The following CFAP57 variants were observed in gnomAD, a reference collection of about 807,000 sequenced individuals.
The protein encoded by CFAP57 is cilia- and flagella-associated protein 57.
Under a neutral mutation model 146.8 loss-of-function variants are expected in CFAP57, and 116 were observed. The ratio of observed to expected loss-of-function variants is 0.79; its 90% CI spans 0.68 to 0.92. The LOEUF (loss-of-function observed/expected upper bound fraction) is 0.92. Ranked by LOEUF, CFAP57 falls within the 40% of genes least tolerant of loss-of-function variation. The probability of loss-of-function intolerance (pLI) is 0.00; values close to 1 mark genes in which losing one functional copy is unlikely to be tolerated. For missense variants in CFAP57, 1,377 were observed against 1,527.2 expected (o/e 0.90, Z 1.64); for synonymous variants, 518 against 552.8 (o/e 0.94, Z 0.88).
intron 2 of CFAP57, among the ~76,000 whole-genome samples, chr1:43,173,680 A>C (rs1346855667): frequency 2.0e-5 from 3 of 152,228 alleles, no homozygotes; most frequent in African/African-American, 7.2e-5. Flanking sequence ...CATCATATGA[A>C]TATAATGTCT....
At chr1:43,199,324 G>C in intron 8 of CFAP57, 66 bp from the exon 9 acceptor site, 1 of 1,502,734 alleles carries the variant, frequency 6.7e-7, no homozygotes. Flanking sequence ...AGCACCTCTT[G>C]ACTGTAACCT....
chr1:43,248,980 C>T (rs1333409267), intron 22 of CFAP57, among the ~76,000 whole-genome samples: 1 of 151,382 alleles, frequency 6.6e-6, no homozygotes, highest in East Asian at 1.9e-4. Context: ...CTCCCGGGTT[C>T]ATGCCATTCT....
chr1:43,249,653 C>A (rs1646264927), intron 22 of CFAP57, among the ~76,000 whole-genome samples: 1 of 143,182 alleles, frequency 7.0e-6, no homozygotes, highest in Non-Finnish European at 1.5e-5. Context: ...CGTGTTTGCC[C>A]AGACTGGTCT....
At chr1:43,177,057 A>C (rs1486404715) in intron 2 of CFAP57, 1 of 448,130 alleles carries the variant, frequency 2.2e-6, no homozygotes. Flanking sequence ...GCTCTTACTC[A>C]GAGTCAAATG....
chr1:43,223,362 G>C (rs1645124079), intron 16 of CFAP57, among the ~76,000 whole-genome samples: 1 of 152,242 alleles, frequency 6.6e-6, no homozygotes, highest in South Asian at 2.1e-4. Context: ...GGATGAGATA[G>C]ATGAAGTCTT....
chr1:43,237,102 C>T (rs1161466350), intron 21 of CFAP57, among the ~76,000 whole-genome samples: 1 of 152,014 alleles, frequency 6.6e-6, no homozygotes, highest in Non-Finnish European at 1.5e-5. Flanking sequence ...CAGTTGGTGA[C>T]CTTGGTGTGT....
At chr1:43,229,982 T>C (rs622762) in intron 18 of CFAP57, among the ~76,000 whole-genome samples, 22,429 of 152,166 alleles carry the variant, frequency 0.15, 2,009 homozygotes, top group African/African-American at 0.24. Flanking sequence ...AGTAGATGGA[T>C]TTTCCACACT....
chr1:43,211,221 A>G (rs1311854054), intron 11 of CFAP57, among the ~76,000 whole-genome samples: 1 of 152,200 alleles, frequency 6.6e-6, no homozygotes, highest in Non-Finnish European at 1.5e-5. Context: ...CAGATCTGCT[A>G]AGTTTTGTGG....
At position 43,226,445 on chromosome 1, in the gene CFAP57, C is replaced by T. The variant is rs578034092; in HGVS notation, c.2866-538C>T. 1.7e-4 allele frequency among the ~76,000 whole-genome samples: 26 copies of T among 152,308 alleles called. 1 individual carries two copies. Among genetic ancestry groups the T allele is most frequent in the African/African-American group, 5.8e-4 (24 of 41,556 alleles). On this transcript the variant is annotated intron_variant, in intron 17 of 22. Transcript: ENST00000372492. Reference sequence around the variant, plus strand: ...TGATCAGAGCCCCTAATGTGCCCACCAGCCTGGATGTCTCAGTGTAGTTGG... The same window carrying T: ...TGATCAGAGCCCCTAATGTGCCCACTAGCCTGGATGTCTCAGTGTAGTTGG...
In CFAP57 at chr1:43,189,145, G is replaced by A. The variant is rs138747538; in HGVS notation, c.1122+2286G>A. On this transcript the variant is annotated intron_variant, in intron 6 of 22. Transcript: ENST00000372492. ...GTACCACACTGTCTTGATTACTGCT[G>A]CTTTGTAGCAAACTTTAAAATTGGG... 4.7e-4 allele frequency among the ~76,000 whole-genome samples: 72 copies of A among 152,302 alleles called. 1 individual carries two copies. The highest frequency in any genetic ancestry group is 1.6e-3 in the African/African-American group (67 of 41,552).
intron 21 of CFAP57, 54 bp from the exon 22 acceptor site, chr1:43,243,173 G>C: frequency 2.0e-6 from 3 of 1,538,450 alleles, no homozygotes; most frequent in Non-Finnish European, 2.6e-6. Flanking sequence ...TATGCCTTGT[G>C]CCCACTGACC....
intron 22 of CFAP57, among the ~76,000 whole-genome samples, chr1:43,243,828 T>G (rs2124666276): frequency 6.6e-6 from 1 of 152,284 alleles, no homozygotes; most frequent in African/African-American, 2.4e-5. Context: ...AAAAGCAAGA[T>G]GAGGAGCTAT....
intron 9 of CFAP57, among the ~76,000 whole-genome samples, chr1:43,205,595 C>CACAGTTATTCTCAGTATGCTGAGCTT (rs1491020629): frequency 1.3e-5 from 2 of 152,192 alleles, no homozygotes; most frequent in Non-Finnish European, 2.9e-5. Flanking sequence ...ATCATTAGGG[C>CACAGTTATTCTCAGTATGCTGAGCTT]ACAGTTATTC....
chr1:43,213,187 A>C (rs1644695471), intron 11 of CFAP57, among the ~76,000 whole-genome samples: 1 of 152,126 alleles, frequency 6.6e-6, no homozygotes, highest in Non-Finnish European at 1.5e-5. Flanking sequence ...TCCTGGGTTC[A>C]AGCGATTCTT....
chr1:43,224,242 G>A (rs1162708226), intron 17 of CFAP57, 38 bp downstream of exon 17: 5 of 1,489,572 alleles, frequency 3.4e-6, no homozygotes, highest in Non-Finnish European at 3.6e-6. Flanking sequence ...GCTACGGCCA[G>A]ATGGGCCAAG....
intron 10 of CFAP57, among the ~76,000 whole-genome samples, chr1:43,208,552 C>T (rs900817678): frequency 7.9e-5 from 12 of 152,082 alleles, no homozygotes; most frequent in South Asian, 2.1e-4. Context: ...GGACAGAAAA[C>T]GAAACACCGC....
intron 9 of CFAP57, among the ~76,000 whole-genome samples, chr1:43,205,866 C>T (rs1021367177): frequency 6.6e-6 from 1 of 152,110 alleles, no homozygotes; most frequent in Admixed American, 6.5e-5. Flanking sequence ...GAGCTGAGGC[C>T]GTAACAGAGC....
At chr1:43,180,380 A>C (rs893997101) in intron 2 of CFAP57, among the ~76,000 whole-genome samples, 82 of 152,042 alleles carry the variant, frequency 5.4e-4, no homozygotes, top group African/African-American at 1.5e-3. Flanking sequence ...ATAAATACTA[A>C]AACATTTTCC....
intron 11 of CFAP57, 31 bp downstream of exon 11, chr1:43,209,947 T>A: frequency 1.2e-6 from 2 of 1,613,914 alleles, no homozygotes; most frequent in Non-Finnish European, 1.7e-6. Context: ...AGGAACCCAG[T>A]CCCACACCTG....
Sources: allele counts gnomAD v4.1 joint callset (sites outside exome capture counted in the v4.1 genomes callset), GRCh38; gene constraint gnomAD v4.1.1; transcripts MANE v1.5; gene names NCBI Gene and HGNC (gene_info 2026-07-23, HGNC 2026-07-21).